Variants in TM9SF4 observed in about 807,000 individuals in gnomAD.
The protein encoded by TM9SF4 is transmembrane 9 superfamily member 4.
In TM9SF4, 26 loss-of-function variants were observed where a neutral mutation model predicts 90.4. That is an observed-to-expected ratio of 0.29 (90% confidence interval 0.21 to 0.40). The LOEUF (loss-of-function observed/expected upper bound fraction) is 0.40. TM9SF4 is among the 10% of genes least tolerant of loss of function. TM9SF4 has a pLI of 1.00. For synonymous variants in TM9SF4, 293 were observed against 315.4 expected (o/e 0.93, Z 0.75); for missense variants, 549 against 834.8 (o/e 0.66, Z 4.22).
At position 32,124,590 on chromosome 20, in the gene TM9SF4, C is replaced by CT. The variant is rs34090214; in HGVS notation, c.16-8408dup. Among the ~76,000 whole-genome samples the CT allele has an allele frequency of 3.8e-3, 550 of 145,352 alleles. 2 individuals carry two copies. The highest frequency in any genetic ancestry group is 4.4e-3 in the African/African-American group (172 of 39,294). On this transcript the variant is annotated intron_variant, in intron 1 of 17. Coordinates refer to ENST00000398022, the MANE Select transcript of TM9SF4 (RefSeq NM_014742.4). ...ATGACCTCTGAAGTTCTTTTAAAAA[C>CT]TTTTTTTTTTTTTTTAGATGAAGTC...
At chr20:32,164,525 G>A (rs2047073000) in intron 17 of TM9SF4, among the ~76,000 whole-genome samples, 1 of 152,144 alleles carries the variant, frequency 6.6e-6, no homozygotes, top group African/African-American at 2.4e-5. Flanking sequence ...AAAGAAAAGG[G>A]GTTAGGGGAG....
chr20:32,163,161 G>A (rs930899536), intron 17 of TM9SF4, among the ~76,000 whole-genome samples: 2 of 148,258 alleles, frequency 1.3e-5, no homozygotes, highest in Non-Finnish European at 1.5e-5. Context: ...CAAGGGAATC[G>A]CTTGAACCCT....
chr20:32,126,098 C>CACACACAT (rs2046418165), intron 1 of TM9SF4, among the ~76,000 whole-genome samples: 1 of 143,306 alleles, frequency 7.0e-6, no homozygotes, highest in Non-Finnish European at 1.6e-5. Flanking sequence ...CACACACACA[C>CACACACAT]ACACACACAG....
chr20:32,147,098 A>G (rs1254176309), intron 9 of TM9SF4, among the ~76,000 whole-genome samples: 1 of 150,626 alleles, frequency 6.6e-6, no homozygotes, highest in Non-Finnish European at 1.5e-5. Flanking sequence ...CCCCACCTCA[A>G]CCTCCCGAAT....
At chr20:32,163,698 G>A (rs2047060568) in intron 17 of TM9SF4, among the ~76,000 whole-genome samples, 1 of 145,552 alleles carries the variant, frequency 6.9e-6, no homozygotes, top group Non-Finnish European at 1.5e-5. Flanking sequence ...TGCAGCCTCT[G>A]CCTCCCGGGT....
At chr20:32,123,712 A>C (rs4911545) in intron 1 of TM9SF4, among the ~76,000 whole-genome samples, 62,818 of 149,684 alleles carry the variant, frequency 0.42, 13,544 homozygotes, top group East Asian at 0.74. Flanking sequence ...GAAACTTTCC[A>C]TGAAGATTAT....
chr20:32,141,430 G>A lies in TM9SF4; in HGVS notation c.230-67G>A, dbSNP rs2046676333. 4 of 1,582,030 alleles carry A rather than the reference G, an allele frequency of 2.5e-6. No homozygotes were observed. In the Admixed American group the frequency reaches 6.8e-5, roughly 27 times the overall value. ...GTTTGCCCCGCAGTCCTGTGTCTCT[G>A]TGACTCTGCTGACCTCAGCAACCTC... is the stretch of plus-strand genomic sequence containing the variant. On this transcript the variant is annotated intron_variant, in intron 3 of 17. Coordinates refer to ENST00000398022, the MANE Select transcript of TM9SF4 (RefSeq NM_014742.4).
intron 12 of TM9SF4, 59 bp from the exon 13 acceptor site, chr20:32,155,044 C>CGGGACA: frequency 6.9e-7 from 1 of 1,459,236 alleles, no homozygotes; most frequent in East Asian, 2.3e-5. Flanking sequence ...GGGGCCCCAC[C>CGGGACA]GGGACAGGTA....
At chr20:32,131,216 A>G (rs2046506153) in intron 1 of TM9SF4, among the ~76,000 whole-genome samples, 1 of 152,162 alleles carries the variant, frequency 6.6e-6, no homozygotes, top group Admixed American at 6.5e-5. Context: ...GGCTTTCCTA[A>G]TGAACATCAG....
chr20:32,113,963 T>G (rs1453386947), intron 1 of TM9SF4, among the ~76,000 whole-genome samples: 1 of 152,240 alleles, frequency 6.6e-6, no homozygotes, highest in Admixed American at 6.5e-5. Flanking sequence ...CAAAGTTTGT[T>G]TATGTTGTAT....
At chr20:32,146,693 T>A in intron 8 of TM9SF4, 92 bp from the exon 9 acceptor site, 1 of 1,291,760 alleles carries the variant, frequency 7.7e-7, no homozygotes, top group Non-Finnish European at 1.1e-6. Flanking sequence ...ATGCCAGCTG[T>A]CGCACAGTAA....
At chr20:32,131,025 T>A (rs936469718) in intron 1 of TM9SF4, among the ~76,000 whole-genome samples, 10 of 152,154 alleles carry the variant, frequency 6.6e-5, no homozygotes, top group African/African-American at 2.2e-4. Flanking sequence ...TAAAAAAAAA[T>A]GACAGAGGGA....
intron 5 of TM9SF4, among the ~76,000 whole-genome samples, chr20:32,142,519 T>C (rs1378092382): frequency 6.6e-6 from 1 of 152,198 alleles, no homozygotes; most frequent in Non-Finnish European, 1.5e-5. Flanking sequence ...GCTCTAAGTC[T>C]CCAGTCCCAG....
chr20:32,163,268 A>ATAT (rs1262014914), intron 17 of TM9SF4, among the ~76,000 whole-genome samples: 1 of 74,448 alleles, frequency 1.3e-5, no homozygotes, highest in Non-Finnish European at 2.5e-5. Context: ...AAAAAAAAAA[A>ATAT]ATATATATAT....
rs774814130 is a variant in TM9SF4, at chr20:32,165,392, A to G, written c.1877A>G (p.Tyr626Cys). Residue 626 changes from tyrosine (Y) to cysteine (C), a missense_variant, in exon 18 of 18, where the codon TAT (tyrosine) becomes TGT (cysteine). Transcript: ENST00000398022. The stretch of plus-strand genomic sequence containing the variant: ...CTGCTAACGGGTACCATCGGCTTCT[A>G]TGCAGCCTACATGTTTGTTCGCAAG... The part of the protein sequence containing the change: ...FWLLTGTIGF[Y>C]AAYMFVRKIY... 2 of 1,614,166 alleles carry G rather than the reference A, an allele frequency of 1.2e-6. No homozygotes were observed. The highest frequency in any genetic ancestry group is 1.7e-6 in the Non-Finnish European group (2 of 1,180,036).
chr20:32,125,716 G>A (rs1420302036), intron 1 of TM9SF4, among the ~76,000 whole-genome samples: 5 of 119,782 alleles, frequency 4.2e-5, no homozygotes, highest in African/African-American at 3.3e-5. Context: ...ACATAGTCTC[G>A]CTTTGTCACC....
At position 32,147,181 on chromosome 20, in the gene TM9SF4, A is replaced by G. The variant is rs115308502; in HGVS notation, c.954+326A>G. Among the ~76,000 whole-genome samples the G allele has an allele frequency of 9.6e-3, 1,465 of 152,042 alleles. 29 individuals are homozygous for G. The highest frequency in any genetic ancestry group is 0.033 in the African/African-American group (1,374 of 41,478). On this transcript the variant is annotated intron_variant, in intron 9 of 17. Coordinates refer to ENST00000398022, the MANE Select transcript of TM9SF4 (RefSeq NM_014742.4). ...TTTTTTAGTAGAAACGGGGTTTGCC[A>G]TGTTAGCCAGGATGGTCTCAGTCTC...
At chr20:32,133,661 A>C (rs2046553241) in intron 2 of TM9SF4, among the ~76,000 whole-genome samples, 1 of 152,248 alleles carries the variant, frequency 6.6e-6, no homozygotes, top group African/African-American at 2.4e-5. Flanking sequence ...GGCTTAGCTC[A>C]GGTTGCCCCC....
At chr20:32,125,184 CCTTGGTTCTG>C (rs1036219477) in intron 1 of TM9SF4, among the ~76,000 whole-genome samples, 1 of 152,144 alleles carries the variant, frequency 6.6e-6, no homozygotes, top group African/African-American at 2.4e-5. Flanking sequence ...GCAGTGTCCT[CCTTGGTTCTG>C]CTTTCTTGTG....
Sources: allele counts gnomAD v4.1 joint callset (sites outside exome capture counted in the v4.1 genomes callset), GRCh38; gene constraint gnomAD v4.1.1; transcripts MANE v1.5; gene names NCBI Gene and HGNC (gene_info 2026-07-23, HGNC 2026-07-21).